Variants in COL8A2 observed in about 807,000 individuals in gnomAD.
COL8A2 encodes the protein collagen alpha-2(VIII) chain.
A neutral mutation model predicts 24.0 loss-of-function variants in COL8A2; 16 were observed. That is an observed-to-expected ratio of 0.67 (90% CI 0.45 to 1.01). The LOEUF is 1.01. Ranked by LOEUF, COL8A2 falls within the 50% of genes least tolerant of loss-of-function variation. The pLI is 0.00. For synonymous variants in COL8A2, 466 were observed against 424.5 expected (o/e 1.10, Z -1.20); for missense variants, 818 against 942.4 (o/e 0.87, Z 1.73).
chr1:36,116,683 G>A (rs1048056449), intron 1 of COL8A2, among the ~76,000 whole-genome samples: 2 of 152,236 alleles, frequency 1.3e-5, no homozygotes, highest in African/African-American at 4.8e-5. Flanking sequence ...CCTGAAGGAT[G>A]AGTCGGAGTC....
intron 1 of COL8A2, among the ~76,000 whole-genome samples, chr1:36,116,830 A>G (rs1394356139): frequency 1.3e-5 from 2 of 152,144 alleles, no homozygotes; most frequent in Non-Finnish European, 2.9e-5. Context: ...CTGGAGAGCA[A>G]TGGGGAGCCA....
rs1456132796 is a variant in COL8A2 at position 36,097,886 on chromosome 1, A to G, written c.1795T>C (p.Tyr599His). The change falls in exon 4 of 4, where the codon TAC becomes CAC. Residue 599 changes from tyrosine (Y) to histidine (H), a missense_variant. This residue lies in a region of COL8A2 where 235 missense variants were observed against 297.3 expected (regional missense o/e 0.79). Coordinates refer to ENST00000397799, the MANE Select transcript of COL8A2 (RefSeq NM_005202.4). ...GMPVKFDRTL[Y>H]NGHSGYNPAT... Reference sequence around the variant, plus strand: ...GGGTTGTAGCCGCTGTGGCCATTGTAGAGAGTCCGGTCAAATTTCACGGGC... The same window carrying G: ...GGGTTGTAGCCGCTGTGGCCATTGTGGAGAGTCCGGTCAAATTTCACGGGC... 1 of 1,612,442 alleles carries G rather than the reference A, an allele frequency of 6.2e-7. No homozygotes were observed. The highest frequency in any genetic ancestry group is 1.7e-5 in the Admixed American group (1 of 60,004).
chr1:36,120,677 G>A (rs981726049), intron 1 of COL8A2, among the ~76,000 whole-genome samples: 2 of 151,030 alleles, frequency 1.3e-5, no homozygotes, highest in African/African-American at 4.9e-5. Flanking sequence ...GAACCCGGGA[G>A]GCAGAGGATG....
In COL8A2 at chr1:36,097,992, CTG is replaced by C. The variant is rs1421441753; in HGVS notation, c.1687_1688del (p.Gln563ValfsTer32). The C allele has an allele frequency of 6.2e-7, 1 of 1,603,344 alleles. No homozygotes were observed. The highest frequency in any genetic ancestry group is 1.7e-5 in the Admixed American group (1 of 59,398). On this transcript the variant is annotated frameshift_variant, in exon 4 of 4. Coordinates refer to ENST00000397799, the MANE Select transcript of COL8A2 (RefSeq NM_005202.4). LOFTEE classifies it high-confidence loss of function. ...GAVLGKGGKPQFGLGELSAHA... is the reference protein window; with the variant it reads ...GAVLGKGGKPXFGLGELSAHA... ...GGGCAGACAGCTCGCCCAGCCCAAA[CTG>C]TGGCTTGCCCCCCTTGCCCAGCACG...
rs779979635 is a variant in COL8A2, at chr1:36,099,393, G to A, written c.288C>T (p.Phe96=). 2 of 1,560,680 alleles carry A rather than the reference G, an allele frequency of 1.3e-6. No individual in the cohort carries two copies. The highest frequency in any genetic ancestry group is 1.7e-6 in the Non-Finnish European group (2 of 1,156,588). The change falls in exon 4 of 4, where the codon TTC becomes TTT. Residue 96 remains phenylalanine (F), a synonymous_variant. Coordinates refer to ENST00000397799, the MANE Select transcript of COL8A2 (RefSeq NM_005202.4). ...GCTTTCCCATGCCTGGTTTTCCTGG[G>A]AAGCCAGGGGGGCCAGGGGGACCCC... ...GPRGPPGPPG[F]PGKPGMGKPG... is the part of the protein sequence containing the mutation.
chr1:36,100,586 C>T (rs546915885), intron 2 of COL8A2, among the ~76,000 whole-genome samples: 2 of 152,210 alleles, frequency 1.3e-5, no homozygotes, highest in Non-Finnish European at 2.9e-5. Context: ...GCAGTCTGAC[C>T]TCCCCTGCTA....
At chr1:36,106,712 G>A (rs113352881) in intron 2 of COL8A2, among the ~76,000 whole-genome samples, 7,909 of 42,400 alleles carry the variant, frequency 0.19, 601 homozygotes, top group East Asian at 0.39. Context: ...AGGCAGCAGG[G>A]CGCCAAGGAA....
At chr1:36,104,817 T>A (rs1290884591) in intron 2 of COL8A2, among the ~76,000 whole-genome samples, 2 of 152,052 alleles carry the variant, frequency 1.3e-5, no homozygotes, top group African/African-American at 4.8e-5. Context: ...ATTAATTAAT[T>A]AAATAAAATA....
In COL8A2 at chr1:36,097,607, G is replaced by C; in HGVS notation, c.2074C>G (p.His692Asp). The change falls in exon 4 of 4, where the codon CAC becomes GAC. Residue 692 changes from histidine to aspartate, a missense_variant. By Grantham distance (81) the His-to-Asp change is moderately conservative (BLOSUM62 -1). Around this residue, in one of 3 missense-constraint regions of COL8A2, gnomAD observed 235 missense variants for 297.3 expected, o/e 0.79. Transcript: ENST00000397799. The stretch of plus-strand genomic sequence containing the variant: ...AGCAAGAATCCTGAAAAGGAGGAGT[G>C]GATGTACTCCGTGGAGTAGAGGCCG... ...ANGLYSTEYI[H>D]SSFSGFLLCP... 1 of 1,612,440 alleles carries C rather than the reference G, an allele frequency of 6.2e-7. No individual in the cohort carries two copies. The highest frequency in any genetic ancestry group is 8.5e-7 in the Non-Finnish European group (1 of 1,179,346).
At chr1:36,117,251 G>A (rs1031182853) in intron 1 of COL8A2, among the ~76,000 whole-genome samples, 3 of 152,232 alleles carry the variant, frequency 2.0e-5, no homozygotes, top group African/African-American at 4.8e-5. Context: ...CCAGAGCTGG[G>A]TCATGGGGCC....
chr1:36,121,119 G>A (rs1367877906), intron 1 of COL8A2, among the ~76,000 whole-genome samples: 5 of 149,210 alleles, frequency 3.4e-5, no homozygotes, highest in African/African-American at 4.9e-5. Context: ...GGCATGGCAC[G>A]GTGGCTCACT....
chr1:36,104,989 C>A (rs964403720), intron 2 of COL8A2, among the ~76,000 whole-genome samples: 12 of 151,998 alleles, frequency 7.9e-5, no homozygotes, highest in Non-Finnish European at 1.8e-4. Flanking sequence ...TCTGGGTTCC[C>A]CTCACCCTAC....
intron 2 of COL8A2, among the ~76,000 whole-genome samples, chr1:36,113,115 T>A (rs1643863134): frequency 6.6e-6 from 1 of 152,114 alleles, no homozygotes; most frequent in African/African-American, 2.4e-5. Context: ...GCACACACTC[T>A]AGGTCTAAGA....
chr1:36,101,845 C>G (rs895263783), intron 2 of COL8A2, among the ~76,000 whole-genome samples: 1 of 150,786 alleles, frequency 6.6e-6, no homozygotes, highest in Non-Finnish European at 1.5e-5. Flanking sequence ...GAGTTTAAAA[C>G]CAGCCTGGGC....
At chr1:36,122,450 C>T (rs1643920711) in intron 1 of COL8A2, among the ~76,000 whole-genome samples, 1 of 152,146 alleles carries the variant, frequency 6.6e-6, no homozygotes, top group South Asian at 2.1e-4. Context: ...ACATGTGTGT[C>T]CACATATGGC....
rs1315338452 is a variant in COL8A2 at position 36,097,954 on chromosome 1, G to C, written c.1727C>G (p.Ala576Gly). 1 of 1,609,102 alleles carries C rather than the reference G, an allele frequency of 6.2e-7. No individual in the cohort carries two copies. Among genetic ancestry groups the C allele is most frequent in the African/African-American group, 1.3e-5 (1 of 74,918 alleles). Residue 576 changes from alanine to glycine, a missense_variant, in exon 4 of 4, where the codon GCC (alanine) becomes GGC (glycine). Ala to Gly is a moderately conservative substitution (Grantham distance 60). Transcript: ENST00000397799. ...GGGCGAGGTGAGCACCGCAGTGAAG[G>C]CCGGTGTGGCATGGGCAGACAGCTC... ...LGELSAHATP[A>G]FTAVLTSPFP...
At chr1:36,121,832 C>T (rs1045293431) in intron 1 of COL8A2, among the ~76,000 whole-genome samples, 6 of 152,176 alleles carry the variant, frequency 3.9e-5, no homozygotes, top group African/African-American at 1.4e-4. Flanking sequence ...ATCCTGGCCT[C>T]TGTTTCGATT....
chr1:36,100,887 C>CTTTTTTTTTTTT lies in COL8A2; in HGVS notation c.-16-641_-16-630dup, dbSNP rs139330748. On this transcript the variant is annotated intron_variant, in intron 2 of 3. Transcript: ENST00000397799. ...ATGGCGCTTAGCATAGCATTCAAGG[C>CTTTTTTTTTTTT]TTTTTTTTTTTTTTTTTTTTTTTTT... Among the ~76,000 whole-genome samples the CTTTTTTTTTTTT allele has an allele frequency of 4.2e-4, 21 of 50,162 alleles. 1 individual carries two copies. The highest frequency in any genetic ancestry group is 1.4e-3 in the East Asian group (1 of 740). 32.9% of individuals were successfully genotyped at this position (50,162 alleles called of 152,430 possible). A position where few individuals can be genotyped will look rare whatever the true frequency, so the allele number is the denominator to read the frequency against.
intron 1 of COL8A2, among the ~76,000 whole-genome samples, chr1:36,119,124 C>G (rs274130): frequency 0.84 from 128,126 of 152,012 alleles, 54,264 homozygotes; most frequent in Non-Finnish European, 0.88. Flanking sequence ...TCCAAGGTAA[C>G]CAGGCTAGGA....
Sources: gnomAD v4.1 joint callset for allele counts (sites outside exome capture counted in the v4.1 genomes callset) on GRCh38, gnomAD v4.1.1 for gene constraint, gnomAD v4.1.1 regional missense constraint, MANE v1.5 for transcripts, NCBI Gene and HGNC (gene_info 2026-07-23, HGNC 2026-07-21) for gene names.